CXorf38: variants seen among roughly 807,000 people sequenced by gnomAD.
The protein encoded by CXorf38 is chromosome X open reading frame 38.
A neutral mutation model predicts 27.5 loss-of-function variants in CXorf38; 13 were observed. The ratio of observed to expected loss-of-function variants is 0.47; its 90% CI spans 0.31 to 0.75. The LOEUF is 0.75. Among genes scored for constraint, CXorf38 ranks in the 30% least tolerant of loss-of-function variants. The probability of loss-of-function intolerance (pLI) is 0.05; values close to 1 mark genes in which losing one functional copy is unlikely to be tolerated. For synonymous variants in CXorf38, 100 were observed against 99.8 expected (o/e 1.00, Z -0.01); for missense variants, 240 against 253.2 (o/e 0.95, Z 0.35).
chrX:40,647,163 A>T, intron 1 of CXorf38, 22 bp from the exon 2 acceptor site: 1 of 1,199,833 alleles, frequency 8.3e-7, no homozygotes, highest in Non-Finnish European at 1.1e-6. Context: ...GGCGGTGAGG[A>T]GGGGCCCAGG....
intron 2 of CXorf38, among the ~76,000 whole-genome samples, chrX:40,643,223 C>T (rs1375865523): frequency 2.7e-5 from 3 of 111,374 alleles, no homozygotes; most frequent in African/African-American, 6.5e-5. Flanking sequence ...CCACCACATC[C>T]GGCCTCTTAA....
intron 3 of CXorf38, among the ~76,000 whole-genome samples, chrX:40,638,564 G>T (rs1332710249): frequency 3.6e-5 from 4 of 112,215 alleles, no homozygotes; most frequent in Non-Finnish European, 1.9e-5. Context: ...CCTTGCAGCT[G>T]CTTAGCCAAT....
intron 2 of CXorf38, among the ~76,000 whole-genome samples, chrX:40,642,269 T>C (rs926095129): frequency 1.8e-5 from 2 of 111,199 alleles, no homozygotes; most frequent in African/African-American, 6.5e-5. Context: ...CTGTTCTACT[T>C]TAGAACTAAA....
chrX:40,631,013 G>A (rs1291959630), intron 5 of CXorf38, among the ~76,000 whole-genome samples: 2 of 110,407 alleles, frequency 1.8e-5, no homozygotes, highest in Non-Finnish European at 3.8e-5. Flanking sequence ...GGTTCTGGGG[G>A]TACACAAGGG....
rs1427415909 is a variant in CXorf38 at position 40,647,495 on chromosome X, C to G, written c.26G>C (p.Arg9Pro). The stretch of plus-strand genomic sequence containing the variant: ...GTTCTTGTACTCGGCGCAGTTGAGG[C>G]GCGCCGCTAGCTCCGACAGCACCAT... MVLSELAA[R>P]LNCAEYKNWV... The change falls in exon 1 of 7, where the codon CGC becomes CCC. Residue 9 changes from arginine to proline, a missense_variant. Physicochemically the swap from Arg to Pro is moderately radical, Grantham distance 103 (BLOSUM62 -2). Coordinates refer to ENST00000327877, the MANE Select transcript of CXorf38 (RefSeq NM_144970.3). The G allele has an allele frequency of 9.3e-6, 11 of 1,185,820 alleles. No individual in the cohort carries two copies. In the Admixed American group the frequency reaches 2.3e-4, roughly 25 times the overall value.
chrX:40,633,548 ATCTG>A (rs906597512), intron 5 of CXorf38, among the ~76,000 whole-genome samples: 6 of 111,611 alleles, frequency 5.4e-5, no homozygotes, highest in Non-Finnish European at 1.1e-4. Context: ...ACTAAACAGT[ATCTG>A]TCTGTTTCAT....
At chrX:40,631,281 ACACACACAC>A (rs1192902288) in intron 5 of CXorf38, among the ~76,000 whole-genome samples, 2 of 100,600 alleles carry the variant, frequency 2.0e-5, no homozygotes, top group Non-Finnish European at 3.9e-5. Context: ...ACACACACAC[ACACACACAC>A]GTGTATGTGT....
chrX:40,639,115 C>T lies in CXorf38; in HGVS notation c.365G>A (p.Arg122Gln), dbSNP rs764948615. 11 of 1,210,871 alleles carry T rather than the reference C, an allele frequency of 9.1e-6. No individual in the cohort carries two copies. Among genetic ancestry groups the T allele is most frequent in the Middle Eastern group, 2.3e-4 (1 of 4,337 alleles). Residue 122 changes from arginine (R) to glutamine (Q), a missense_variant, in exon 3 of 7, where the codon CGA becomes CAA. Physicochemically the swap from Arg to Gln is conservative, Grantham distance 43. Coordinates refer to ENST00000327877, the MANE Select transcript of CXorf38 (RefSeq NM_144970.3). The part of the protein sequence containing the change: ...AWEVAKAFMP[R>Q]GLADKQGPEE... ...AGGTCCTTGTTTGTCTGCTAGTCCTCGGGGCATGAAGGCCTATAGCAAGGG... is the reference window on the plus strand; with the variant it reads ...AGGTCCTTGTTTGTCTGCTAGTCCTTGGGGCATGAAGGCCTATAGCAAGGG...
intron 5 of CXorf38, among the ~76,000 whole-genome samples, chrX:40,632,232 A>G (rs1276185255): frequency 1.8e-5 from 2 of 111,404 alleles, no homozygotes; most frequent in Admixed American, 9.5e-5. Flanking sequence ...TCACAGATGG[A>G]CTTTTGCCCT....
In CXorf38 at chrX:40,647,502, C is replaced by A. The variant is rs1162477471; in HGVS notation, c.19G>T (p.Ala7Ser). The A allele has an allele frequency of 8.4e-7, 1 of 1,186,493 alleles. No homozygotes were observed. The highest frequency in any genetic ancestry group is 1.1e-6 in the Non-Finnish European group (1 of 886,511). Residue 7 changes from alanine (A) to serine (S), a missense_variant, in exon 1 of 7, where the codon GCG (alanine) becomes TCG (serine). Physicochemically the swap from Ala to Ser is moderately conservative, Grantham distance 99 (BLOSUM62 1). Coordinates refer to ENST00000327877, the MANE Select transcript of CXorf38 (RefSeq NM_144970.3). ...TACTCGGCGCAGTTGAGGCGCGCCG[C>A]TAGCTCCGACAGCACCATGTCTCCC... Reference protein sequence around the residue: MVLSELAARLNCAEYKN... With the variant: MVLSELSARLNCAEYKN...
At chrX:40,632,125 A>T (rs762295574) in intron 5 of CXorf38, among the ~76,000 whole-genome samples, 2 of 111,896 alleles carry the variant, frequency 1.8e-5, no homozygotes, top group East Asian at 5.6e-4. Context: ...GCTCTCAGTG[A>T]CCGTGCCCGG....
chrX:40,637,050 T>C lies in CXorf38; in HGVS notation c.578A>G (p.Lys193Arg), dbSNP rs1364399551. The C allele has an allele frequency of 8.3e-7, 1 of 1,208,219 alleles. No homozygotes were observed. Among genetic ancestry groups the C allele is most frequent in the Non-Finnish European group, 1.1e-6 (1 of 893,016 alleles). The change falls in exon 4 of 7, where the codon AAG becomes AGG. Residue 193 changes from lysine (K) to arginine (R), a missense_variant. Physicochemically the swap from Lys to Arg is conservative, Grantham distance 26. Transcript: ENST00000327877. ...MKIQNFLNEFKNIPEIVAVYS... is the reference protein window; with the variant it reads ...MKIQNFLNEFRNIPEIVAVYS... ...TACTGCCACAATCTCTGGGATGTTCTTGAATTCATTCAGAAAATTTTGGAT... is the reference window on the plus strand; with the variant it reads ...TACTGCCACAATCTCTGGGATGTTCCTGAATTCATTCAGAAAATTTTGGAT...
rs769286418 is a variant in CXorf38 at position 40,641,146 on chromosome X, G to A, written c.352-2018C>T. Among the ~76,000 whole-genome samples the A allele has an allele frequency of 2.3e-4, 25 of 110,692 alleles. No homozygotes were observed. In the South Asian group the frequency reaches 8.8e-3, roughly 39 times the overall value. ...ATGGGAAGATCACTTGAGCCCAGGAGGTGGAGGTTGCAGTGAATCAAGATT... is the reference window on the plus strand; with the variant it reads ...ATGGGAAGATCACTTGAGCCCAGGAAGTGGAGGTTGCAGTGAATCAAGATT... On this transcript the variant is annotated intron_variant, in intron 2 of 6. Coordinates refer to ENST00000327877, the MANE Select transcript of CXorf38 (RefSeq NM_144970.3).
chrX:40,635,525 T>C (rs1419458587), intron 5 of CXorf38, among the ~76,000 whole-genome samples: 1 of 113,215 alleles, frequency 8.8e-6, no homozygotes, highest in Non-Finnish European at 1.9e-5. Context: ...CCTGGTGATC[T>C]AGAAGTCTAA....
At chrX:40,635,616 A>G (rs1928036142) in intron 5 of CXorf38, among the ~76,000 whole-genome samples, 1 of 112,866 alleles carries the variant, frequency 8.9e-6, no homozygotes, top group South Asian at 3.6e-4. Flanking sequence ...CTTGCATGTG[A>G]CAAAGGAGAT....
chrX:40,639,149 G>A, intron 2 of CXorf38, 21 bp from the exon 3 acceptor site: 1 of 1,200,955 alleles, frequency 8.3e-7, no homozygotes, highest in Admixed American at 2.2e-5. Flanking sequence ...GGAGGGAGGA[G>A]GGGGACCTGA....
intron 2 of CXorf38, among the ~76,000 whole-genome samples, chrX:40,644,179 A>G (rs1928470907): frequency 8.9e-6 from 1 of 112,216 alleles, no homozygotes; most frequent in East Asian, 2.8e-4. Context: ...TAACTGTTTA[A>G]TTGTTTCTTT....
intron 5 of CXorf38, among the ~76,000 whole-genome samples, chrX:40,634,573 G>GT (rs1317051604): frequency 1.8e-5 from 2 of 112,132 alleles, no homozygotes; most frequent in African/African-American, 6.5e-5. Context: ...TTTCTTAGAA[G>GT]TAACTGAAAT....
At chrX:40,638,269 A>G (rs962667688) in intron 3 of CXorf38, among the ~76,000 whole-genome samples, 1 of 112,313 alleles carries the variant, frequency 8.9e-6, no homozygotes, top group African/African-American at 3.2e-5. Context: ...GGGGTCAACT[A>G]CTATGACAGT....
Sources: allele counts gnomAD v4.1 joint callset (sites outside exome capture counted in the v4.1 genomes callset), GRCh38; gene constraint gnomAD v4.1.1; transcripts MANE v1.5; gene names NCBI Gene and HGNC (gene_info 2026-07-23, HGNC 2026-07-21).